PDXDC1: variants seen among roughly 807,000 people sequenced by gnomAD.
PDXDC1 encodes the protein pyridoxal-dependent decarboxylase domain-containing protein 1.
In PDXDC1, 42 loss-of-function variants were observed where a neutral mutation model predicts 100.1. The ratio of observed to expected loss-of-function variants is 0.42; its 90% CI spans 0.33 to 0.54. PDXDC1 has a LOEUF of 0.54. Among genes scored for constraint, PDXDC1 ranks in the 20% least tolerant of loss-of-function variants. The pLI is 0.10. For missense variants in PDXDC1, 636 were observed against 979.2 expected, an observed-to-expected ratio of 0.65 and a Z score of 4.68; for synonymous variants, 260 against 371.7, an observed-to-expected ratio of 0.70 and a Z score of 3.46.
chr16:15,083,654 A>T, intron 16 of PDXDC1: 1 of 1,567,572 alleles, frequency 6.4e-7, no homozygotes, highest in East Asian at 2.2e-5. Context: ...GAAAACTACC[A>T]TTCTAAAAGC....
In PDXDC1 at chr16:14,975,208, G is replaced by A; in HGVS notation, c.9G>A (p.Ala3=). The A allele has an allele frequency of 7.0e-7, 1 of 1,431,688 alleles. No individual in the cohort carries two copies. The highest frequency in any genetic ancestry group is 9.1e-7 in the Non-Finnish European group (1 of 1,102,762). The allele number at this position is 1,431,688 out of a possible 1,614,324, so 88.7% of individuals were successfully genotyped here. A position where few individuals can be genotyped will look rare whatever the true frequency, so the allele number is the denominator to read the frequency against. Residue 3 remains alanine (A), a synonymous_variant, in exon 1 of 23, where the codon GCG becomes GCA. Transcript: ENST00000396410. The part of the protein sequence containing the change: MD[A]SLEKIADPTL... ...CACCGGCCGCCTCAGCCATGGACGC[G>A]TCCCTGGAGAAGGTCCGTGCCGGGA...
intron 16 of PDXDC1, chr16:15,106,297 G>C: frequency 8.8e-7 from 1 of 1,142,730 alleles, no homozygotes; most frequent in South Asian, 1.5e-5. Flanking sequence ...CCGCCGCAAC[G>C]CTTGCGCACG....
chr16:15,058,825 G>C (rs908017053), intron 16 of PDXDC1, among the ~76,000 whole-genome samples: 4 of 152,142 alleles, frequency 2.6e-5, no homozygotes, highest in African/African-American at 9.7e-5. Context: ...GTAGAGATGG[G>C]GGTCTCACTA....
At chr16:15,070,532 C>T (rs954029100) in intron 16 of PDXDC1, among the ~76,000 whole-genome samples, 3 of 152,040 alleles carry the variant, frequency 2.0e-5, no homozygotes, top group Non-Finnish European at 2.9e-5. Flanking sequence ...TTCTCCTAAC[C>T]ATCTCAAAGG....
At chr16:15,013,940 C>T (rs1240599147) in intron 8 of PDXDC1, among the ~76,000 whole-genome samples, 11 of 151,828 alleles carry the variant, frequency 7.2e-5, no homozygotes, top group African/African-American at 2.2e-4. Context: ...GGTGCGGTGG[C>T]TCATGCATGT....
chr16:14,999,447 A>C (rs1179949300), intron 3 of PDXDC1, among the ~76,000 whole-genome samples: 6 of 151,924 alleles, frequency 3.9e-5, no homozygotes, highest in Non-Finnish European at 8.8e-5. Flanking sequence ...CGTGGTGCAC[A>C]CTTGTAGTCC....
intron 16 of PDXDC1, chr16:15,127,088 C>G (rs373580375): frequency 1.4e-5 from 5 of 355,024 alleles, no homozygotes; most frequent in Non-Finnish European, 2.8e-5. Flanking sequence ...ACACCCGGCC[C>G]GGCCACTGGG....
intron 16 of PDXDC1, chr16:15,061,576 A>C (rs2044711098): frequency 3.9e-6 from 2 of 518,028 alleles, no homozygotes; most frequent in Non-Finnish European, 3.4e-6. Flanking sequence ...CAACAAAAAA[A>C]CCCAGTCTTC....
intron 16 of PDXDC1, among the ~76,000 whole-genome samples, chr16:15,087,841 G>T (rs887441171): frequency 2.0e-5 from 3 of 152,162 alleles, no homozygotes; most frequent in South Asian, 2.1e-4. Flanking sequence ...CAGGCTGGGC[G>T]TGGTAGCTCA....
downstream of PDXDC1, among the ~76,000 whole-genome samples, chr16:15,143,489 C>T (rs552218926): frequency 8.5e-5 from 13 of 152,268 alleles, no homozygotes; most frequent in South Asian, 1.7e-3. Flanking sequence ...AACCCCAGGT[C>T]GGGCCCCCTC....
chr16:15,143,350 G>A (rs1405476543), downstream of PDXDC1, among the ~76,000 whole-genome samples: 1 of 152,190 alleles, frequency 6.6e-6, no homozygotes, highest in Admixed American at 6.5e-5. Context: ...CCTGGAGGCT[G>A]CCCCTCCACA....
chr16:14,982,003 T>C (rs1474096134), intron 1 of PDXDC1, among the ~76,000 whole-genome samples: 3 of 152,392 alleles, frequency 2.0e-5, no homozygotes, highest in Admixed American at 2.0e-4. Context: ...TAATTTTTTG[T>C]ATTTTTAGTA....
In PDXDC1 at chr16:15,135,643, A is replaced by G. The variant is rs2048312895; in HGVS notation, c.1400-3236A>G. ...GGCATGGAGGACGGCCCTGCCACGC[A>G]CTGACCTGTGTCGAAGCCACACAGG... On this transcript the variant is annotated intron_variant, in intron 16 of 16. Coordinates refer to the PDXDC1 transcript ENST00000535621. 25 of 1,586,458 alleles carry G rather than the reference A, an allele frequency of 1.6e-5. No individual in the cohort carries two copies. In the East Asian group the frequency reaches 5.6e-4, roughly 36 times the overall value.
chr16:15,017,238 T>C, intron 10 of PDXDC1, 70 bp downstream of exon 10: 1 of 1,609,050 alleles, frequency 6.2e-7, no homozygotes, highest in East Asian at 2.2e-5. Flanking sequence ...CCCTCATGGC[T>C]CTTCACAGTT....
At chr16:15,086,159 G>C (rs1424829721) in intron 16 of PDXDC1, 4 of 1,607,172 alleles carry the variant, frequency 2.5e-6, no homozygotes, top group Admixed American at 1.7e-5. Flanking sequence ...ATCATGCTGA[G>C]ACACGGTCTG....
intron 16 of PDXDC1, among the ~76,000 whole-genome samples, chr16:15,102,952 T>TA (rs1453427327): frequency 1.4e-5 from 2 of 144,906 alleles, no homozygotes; most frequent in African/African-American, 2.7e-5. Flanking sequence ...AAATACAAAT[T>TA]AAAAAACCAG....
At chr16:15,130,901 G>A (rs1391147815) in intron 16 of PDXDC1, 2 of 718,664 alleles carry the variant, frequency 2.8e-6, no homozygotes, top group Non-Finnish European at 4.9e-6. Flanking sequence ...AAAGGCCATA[G>A]GAGCCTCTGC....
At chr16:15,038,341 G>A (rs1447317953), downstream of PDXDC1, 2 of 682,594 alleles carry the variant, frequency 2.9e-6, no homozygotes, top group African/African-American at 1.9e-5. Flanking sequence ...GAGGTGGCCT[G>A]AATTAGTAAG....
intron 8 of PDXDC1, chr16:15,010,200 CCA>C: frequency 5.7e-6 from 1 of 174,962 alleles, no homozygotes; most frequent in South Asian, 1.7e-4. Flanking sequence ...GTGCATGCCA[CCA>C]CATCTGGCTA....
Sources: gnomAD v4.1 joint callset for allele counts (sites outside exome capture counted in the v4.1 genomes callset) on GRCh38, gnomAD v4.1.1 for gene constraint, MANE v1.5 for transcripts, NCBI Gene and HGNC (gene_info 2026-07-23, HGNC 2026-07-21) for gene names.